BLTP3A: variants seen among roughly 807,000 people sequenced by gnomAD.
BLTP3A encodes the protein bridge-like lipid transfer protein family member 3A.
chr6:34,825,671 C>T, the BLTP3A span, among the ~76,000 whole-genome samples: 2 of 152,186 alleles, frequency 1.3e-5, no homozygotes, highest in Non-Finnish European at 2.9e-5. Flanking sequence ...AGCTAAACAC[C>T]TTCCAGAGGC....
the BLTP3A span, chr6:34,874,591 A>ATTCT: frequency 6.6e-6 from 1 of 152,256 alleles, no homozygotes; most frequent in African/African-American, 2.4e-5. Context: ...AATACTCAGA[A>ATTCT]AACTGACAGG....
chr6:34,869,383 C>T, the BLTP3A span, among the ~76,000 whole-genome samples: 2 of 152,124 alleles, frequency 1.3e-5, no homozygotes, highest in African/African-American at 4.8e-5. Flanking sequence ...CCTTCTGTCC[C>T]TCACCTGTCA....
At chr6:34,810,434 CATT>C in the BLTP3A span, among the ~76,000 whole-genome samples, 1 of 152,234 alleles carries the variant, frequency 6.6e-6, no homozygotes, top group African/African-American at 2.4e-5. Flanking sequence ...ATAGCTACAA[CATT>C]ATCACAGCAG....
chr6:34,842,845 A>G, the BLTP3A span, among the ~76,000 whole-genome samples: 1 of 152,284 alleles, frequency 6.6e-6, no homozygotes, highest in South Asian at 2.1e-4. Flanking sequence ...GCTCCATCTC[A>G]GAGTTATATG....
At chr6:34,836,423 G>A in the BLTP3A span, 1 of 1,421,798 alleles carries the variant, frequency 7.0e-7, no homozygotes, top group Non-Finnish European at 9.7e-7. Flanking sequence ...TGGGGATGAA[G>A]GCTCTTTTCA....
At chr6:34,859,348 AG>A in the BLTP3A span, 1 of 1,614,132 alleles carries the variant, frequency 6.2e-7, no homozygotes, top group Non-Finnish European at 8.5e-7. Context: ...CCCAGCTGGC[AG>A]GGAGACTGCT....
the BLTP3A span, among the ~76,000 whole-genome samples, chr6:34,829,882 G>A: frequency 6.6e-6 from 1 of 152,108 alleles, no homozygotes; most frequent in Non-Finnish European, 1.5e-5. Context: ...TCGGCTCACT[G>A]CAACCTCCAC....
chr6:34,793,981 T>C, the BLTP3A span, among the ~76,000 whole-genome samples: 1 of 150,884 alleles, frequency 6.6e-6, no homozygotes, highest in South Asian at 2.1e-4. Flanking sequence ...GCCAACATGA[T>C]GAAACCCTGT....
At chr6:34,876,703 A>G in the BLTP3A span, 6 of 152,194 alleles carry the variant, frequency 3.9e-5, no homozygotes, top group African/African-American at 1.4e-4. Context: ...ATCTGGTGTG[A>G]AGCACTATCC....
At chr6:34,859,219 C>T in the BLTP3A span, 1 of 1,614,064 alleles carries the variant, frequency 6.2e-7, no homozygotes. Context: ...TGGAGAACTG[C>T]AGGACTCAGG....
the BLTP3A span, among the ~76,000 whole-genome samples, chr6:34,794,789 TG>T: frequency 4.7e-4 from 57 of 120,092 alleles, no homozygotes; most frequent in Non-Finnish European, 8.5e-4. Flanking sequence ...AGAGTTTTTT[TG>T]TTTTTTTTTT....
the BLTP3A span, among the ~76,000 whole-genome samples, chr6:34,801,755 T>C: frequency 6.6e-6 from 1 of 152,166 alleles, no homozygotes; most frequent in African/African-American, 2.4e-5. Context: ...GGAGTCTCGC[T>C]CTGTCTCCCA....
chr6:34,804,367 G>A, the BLTP3A span, among the ~76,000 whole-genome samples: 1 of 152,114 alleles, frequency 6.6e-6, no homozygotes, highest in Non-Finnish European at 1.5e-5. Context: ...TTGCCAAGCA[G>A]TAGGAACTCA....
chr6:34,815,217 G>A, the BLTP3A span, among the ~76,000 whole-genome samples: 13 of 151,710 alleles, frequency 8.6e-5, no homozygotes, highest in African/African-American at 2.9e-4. Flanking sequence ...GCTTTTTCCC[G>A]CTTGTGGTGT....
the BLTP3A span, chr6:34,859,339 C>G: frequency 1.9e-6 from 3 of 1,613,712 alleles, no homozygotes; most frequent in African/African-American, 2.7e-5. Flanking sequence ...ATTGAAGCCC[C>G]CAGCTGGCAG....
At chr6:34,858,891 G>T in the BLTP3A span, 3 of 1,614,044 alleles carry the variant, frequency 1.9e-6, no homozygotes, top group Non-Finnish European at 1.7e-6. Flanking sequence ...AGGAGGTGCT[G>T]CAGAGGCTTC....
chr6:34,822,714 A>G, the BLTP3A span, among the ~76,000 whole-genome samples: 2 of 151,900 alleles, frequency 1.3e-5, no homozygotes, highest in African/African-American at 4.8e-5. Context: ...AAAATTAGCC[A>G]GGTGTGGTGG....
the BLTP3A span, among the ~76,000 whole-genome samples, chr6:34,820,814 ATTT>A: frequency 1.4e-4 from 14 of 102,788 alleles, no homozygotes; most frequent in African/African-American, 1.4e-4. Flanking sequence ...ACCATGCCTA[ATTT>A]TTTTTTTTTT....
the BLTP3A span, among the ~76,000 whole-genome samples, chr6:34,808,114 C>G: frequency 6.6e-6 from 1 of 151,100 alleles, no homozygotes; most frequent in Non-Finnish European, 1.5e-5. Flanking sequence ...GAGGCCGAGG[C>G]GGGTGGATCA....
Sources: allele counts gnomAD v4.1 joint callset (sites outside exome capture counted in the v4.1 genomes callset), GRCh38; gene constraint gnomAD v4.1.1; transcripts MANE v1.5; gene names NCBI Gene and HGNC (gene_info 2026-07-23, HGNC 2026-07-21).